CD36: variants seen among roughly 807,000 people sequenced by gnomAD.
The protein encoded by CD36 is CD36 molecule (CD36 blood group).
CD36 carries 119 observed loss-of-function variants against 55.2 expected under a neutral mutation model. The ratio of observed to expected loss-of-function variants is 2.15; its 90% CI spans 1.86 to 2.51. CD36 has a LOEUF of 2.51. Ranked by LOEUF, CD36 falls within the 30% of genes most tolerant of loss-of-function variation. The pLI is 0.00. For missense variants in CD36, 819 were observed against 555.5 expected (o/e 1.47, Z -4.77); for synonymous variants, 186 against 193.6 (o/e 0.96, Z 0.33).
chr7:80,675,673 G>A lies in CD36; in HGVS notation c.*1-711G>A, dbSNP rs569049025. 2.0e-5 allele frequency among the ~76,000 whole-genome samples: 3 copies of A among 152,158 alleles called. No individual in the cohort carries two copies. In the South Asian group the frequency reaches 6.2e-4, roughly 32 times the overall value. ...TTAGAAGAATCACAAAAGATATGTAGATTTTCTTAAGCAAAATTCAGCTCT... is the reference window on the plus strand; with the variant it reads ...TTAGAAGAATCACAAAAGATATGTAAATTTTCTTAAGCAAAATTCAGCTCT... On this transcript the variant is annotated intron_variant, in intron 14 of 14. Coordinates refer to ENST00000447544, the MANE Select transcript of CD36 (RefSeq NM_001001548.3).
intron 1 of CD36, among the ~76,000 whole-genome samples, chr7:80,613,174 G>A (rs1460051197): frequency 1.3e-5 from 2 of 152,006 alleles, no homozygotes; most frequent in African/African-American, 4.8e-5. Context: ...TAAGACATTT[G>A]TAATATTCAT....
Position 80,663,051 on chromosome 7 carries a change from A to T in CD36, c.491A>T (p.Lys164Met). ...ATGATCCTCAATTCACTTATTAACA[A>T]GTCAAAATCTTCTATGTTCCAAGTC... ...VQMILNSLIN[K>M]SKSSMFQVRT... is the part of the protein sequence containing the mutation. Residue 164 changes from lysine to methionine, a missense_variant, in exon 6 of 15, where the codon AAG (lysine) becomes ATG (methionine). Physicochemically the swap from Lys to Met is moderately conservative, Grantham distance 95 (BLOSUM62 -1). Coordinates refer to ENST00000447544, the MANE Select transcript of CD36 (RefSeq NM_001001548.3). 6.2e-7 allele frequency: 1 copy of T among 1,613,334 alleles called. No homozygotes were observed. The highest frequency in any genetic ancestry group is 8.5e-7 in the Non-Finnish European group (1 of 1,179,410).
intron 1 of CD36, among the ~76,000 whole-genome samples, chr7:80,645,061 C>G (rs1795058551): frequency 1.3e-5 from 2 of 150,822 alleles, no homozygotes; most frequent in South Asian, 2.1e-4. Context: ...ACTCTTGTTG[C>G]CCAGGCTGGA....
chr7:80,619,524 G>A (rs1793338985), intron 1 of CD36, among the ~76,000 whole-genome samples: 1 of 151,958 alleles, frequency 6.6e-6, no homozygotes, highest in Middle Eastern at 3.2e-3. Context: ...GTACATACCT[G>A]TAGTCCCAGC....
chr7:80,671,524 C>T (rs1180385740), intron 10 of CD36, among the ~76,000 whole-genome samples: 4 of 151,994 alleles, frequency 2.6e-5, no homozygotes, highest in Non-Finnish European at 5.9e-5. Flanking sequence ...CATTAAACAT[C>T]CTGTTATTCA....
At chr7:80,647,231 C>T in intron 3 of CD36, 1 of 276,374 alleles carries the variant, frequency 3.6e-6, no homozygotes, top group East Asian at 8.7e-5. Context: ...AGAAGTTGCA[C>T]TTTAGTTAAT....
rs1330002284 is a variant in CD36, at chr7:80,666,444, A to T, written c.703A>T (p.Asn235Tyr). 1.3e-6 allele frequency: 2 copies of T among 1,593,356 alleles called. No individual in the cohort carries two copies. Among genetic ancestry groups the T allele is most frequent in the Non-Finnish European group, 1.7e-6 (2 of 1,161,778 alleles). Residue 235 changes from asparagine to tyrosine, a missense_variant and splice_region_variant, in exon 8 of 15, where the codon AAT (asparagine) becomes TAT (tyrosine). Physicochemically the swap from Asn to Tyr is moderately radical, Grantham distance 143. Transcript: ENST00000447544. ...TTCATTGTCTTTTTCTATTCCTAGG[A>T]ATCTGTCCTATTGGGAAAGTCACTG... ...AIIDTYKGKR[N>Y]LSYWESHCDM...
chr7:80,629,603 A>G (rs1165513824), intron 1 of CD36, among the ~76,000 whole-genome samples: 2 of 152,030 alleles, frequency 1.3e-5, no homozygotes, highest in Admixed American at 1.3e-4. Context: ...GGTACTCCTC[A>G]CTACACAAGA....
chr7:80,662,929 C>T (rs866508813), intron 5 of CD36, 61 bp from the exon 6 acceptor site: 1 of 1,300,390 alleles, frequency 7.7e-7, no homozygotes, highest in Non-Finnish European at 1.1e-6. Context: ...GCATTTAATC[C>T]ATTTATTTGT....
In CD36 at chr7:80,663,072, A is replaced by C; in HGVS notation, c.512A>C (p.Gln171Pro). 4 of 1,613,464 alleles carry C rather than the reference A, an allele frequency of 2.5e-6. No individual in the cohort carries two copies. The East Asian group carries it at 8.9e-5, about 36-fold the overall frequency. Reference sequence around the variant, plus strand: ...AACAAGTCAAAATCTTCTATGTTCCAAGTCAGAACTTTGAGAGAACTGTTA... The same window carrying C: ...AACAAGTCAAAATCTTCTATGTTCCCAGTCAGAACTTTGAGAGAACTGTTA... ...LINKSKSSMF[Q>P]VRTLRELLWG... Residue 171 changes from glutamine to proline, a missense_variant, in exon 6 of 15, where the codon CAA becomes CCA. Transcript: ENST00000447544.
At chr7:80,668,688 G>A (rs550192995) in intron 8 of CD36, among the ~76,000 whole-genome samples, 16 of 152,222 alleles carry the variant, frequency 1.1e-4, no homozygotes, top group African/African-American at 3.6e-4. Context: ...TAATTATTAA[G>A]GAAATGGAAA....
intron 1 of CD36, among the ~76,000 whole-genome samples, chr7:80,630,053 G>A (rs954630277): frequency 6.6e-6 from 1 of 151,950 alleles, no homozygotes; most frequent in Admixed American, 6.6e-5. Context: ...AATAGCACAA[G>A]TTTCATCTTC....
In CD36 at chr7:80,676,451, A is replaced by G. The variant is rs1373506234; in HGVS notation, c.*68A>G. On this transcript the variant is annotated 3_prime_UTR_variant, in exon 15 of 15. Coordinates refer to ENST00000447544, the MANE Select transcript of CD36 (RefSeq NM_001001548.3). ...TAATTGGTTTCTGGGTGGCCAATTCAGAAGAAGAGTGTACATGCTCAACAA... is the reference window on the plus strand; with the variant it reads ...TAATTGGTTTCTGGGTGGCCAATTCGGAAGAAGAGTGTACATGCTCAACAA... The G allele has an allele frequency of 6.6e-6, 1 of 152,180 alleles. No individual in the cohort carries two copies. Among genetic ancestry groups the G allele is most frequent in the Admixed American group, 6.6e-5 (1 of 15,262 alleles). The allele number at this position is 152,180 out of a possible 1,614,324, so 9.4% of individuals were successfully genotyped here.
At chr7:80,630,352 T>C (rs1328325596) in intron 1 of CD36, among the ~76,000 whole-genome samples, 1 of 152,006 alleles carries the variant, frequency 6.6e-6, no homozygotes, top group Non-Finnish European at 1.5e-5. Flanking sequence ...TTTGTGGAAT[T>C]GTATGAAGTT....
In CD36 at chr7:80,674,055, C is replaced by G; in HGVS notation, c.1327C>G (p.Leu443Val). ...QVTGKINLLG[L>V]IEMILLSVGV... ...AACTGGAAAAATAAACCTCCTTGGC[C>G]TGATAGAAATGATCTTACTCAGTGT... is the stretch of plus-strand genomic sequence containing the variant. The change falls in exon 14 of 15, where the codon CTG becomes GTG. Residue 443 changes from leucine to valine, a missense_variant. By Grantham distance (32) the Leu-to-Val change is conservative (BLOSUM62 1). Transcript: ENST00000447544. 1 of 1,611,932 alleles carries G rather than the reference C, an allele frequency of 6.2e-7. No homozygotes were observed. Among genetic ancestry groups the G allele is most frequent in the South Asian group, 1.1e-5 (1 of 90,992 alleles).
chr7:80,634,113 C>G (rs967479099), upstream of CD36, among the ~76,000 whole-genome samples: 6 of 151,796 alleles, frequency 4.0e-5, no homozygotes, highest in African/African-American at 1.5e-4. Context: ...AGTTTGGGTT[C>G]CAGCCCTTGT....
intron 9 of CD36, chr7:80,670,358 G>A (rs918021176): frequency 5.5e-5 from 18 of 326,176 alleles, no homozygotes; most frequent in Non-Finnish European, 9.3e-5. Context: ...GATTTGTGGG[G>A]CCCAGTAGAT....
At chr7:80,643,222 G>T (rs1157189309) in intron 1 of CD36, among the ~76,000 whole-genome samples, 1 of 152,114 alleles carries the variant, frequency 6.6e-6, no homozygotes, top group Non-Finnish European at 1.5e-5. Context: ...TTGGGAAAAG[G>T]CCAGATAGAT....
At chr7:80,623,005 CTT>C (rs11301209) in intron 1 of CD36, among the ~76,000 whole-genome samples, 866 of 145,326 alleles carry the variant, frequency 6.0e-3, no homozygotes, top group Non-Finnish European at 6.9e-3. Context: ...CCTTGGTAGA[CTT>C]TTTTTTTTTT....
Sources: allele counts gnomAD v4.1 joint callset (sites outside exome capture counted in the v4.1 genomes callset), GRCh38; gene constraint gnomAD v4.1.1; transcripts MANE v1.5; gene names NCBI Gene and HGNC (gene_info 2026-07-23, HGNC 2026-07-21).